The following CFAP46 variants were observed in gnomAD, a reference collection of about 807,000 sequenced individuals.
The protein encoded by CFAP46 is cilia and flagella associated protein 46, also known as cilia- and flagella-associated protein 46.
Under a neutral mutation model 325.7 loss-of-function variants are expected in CFAP46, and 245 were observed. That is an observed-to-expected ratio of 0.75 (90% CI 0.68 to 0.84). CFAP46 has a LOEUF of 0.84. Among genes scored for constraint, CFAP46 ranks in the 40% least tolerant of loss-of-function variants. The pLI is 0.00. For synonymous variants in CFAP46, 1,523 were observed against 1,495.9 expected, an observed-to-expected ratio of 1.02 and a Z score of -0.42; for missense variants, 3,346 against 3,543.0, an observed-to-expected ratio of 0.94 and a Z score of 1.41.
At chr10:132,831,132 C>T (rs901326925) in intron 50 of CFAP46, among the ~76,000 whole-genome samples, 1 of 151,936 alleles carries the variant, frequency 6.6e-6, no homozygotes, top group African/African-American at 2.4e-5. Flanking sequence ...CCACTGTGGT[C>T]AGAGAACCTA....
At chr10:132,862,017 C>G (rs1293856313) in intron 35 of CFAP46, among the ~76,000 whole-genome samples, 1 of 152,256 alleles carries the variant, frequency 6.6e-6, no homozygotes, top group African/African-American at 2.4e-5. Flanking sequence ...CTGCCCGACA[C>G]AGGATCCACC....
Position 132,885,905 on chromosome 10 carries a change from C to G in CFAP46, c.3359G>C (p.Ser1120Thr), listed in dbSNP as rs1591072025. ...CTCCCAGTCGTCCTGGTCGGCATGG[C>G]TGTGGAAGAGCAGGCCGTAGAGCGC... Reference protein sequence around the residue: ...RAALYGLLFHSHADQDDWEGG... With the variant: ...RAALYGLLFHTHADQDDWEGG... The change falls in exon 26 of 58, where the codon AGC becomes ACC. Residue 1120 changes from serine to threonine, a missense_variant. Ser to Thr is a moderately conservative substitution (Grantham distance 58). Transcript: ENST00000368586. The G allele has an allele frequency of 4.5e-6, 7 of 1,550,182 alleles. No individual in the cohort carries two copies. Among genetic ancestry groups the G allele is most frequent in the Non-Finnish European group, 6.1e-6 (7 of 1,146,844 alleles).
chr10:132,928,548 G>A (rs1303461604), intron 9 of CFAP46, among the ~76,000 whole-genome samples: 1 of 151,430 alleles, frequency 6.6e-6, no homozygotes, highest in Non-Finnish European at 1.5e-5. Flanking sequence ...AGCCCTCAGC[G>A]TGACTGGACG....
At position 132,884,165 on chromosome 10, in the gene CFAP46, G is replaced by T. The variant is rs1849087193; in HGVS notation, c.3627+938C>A. Among the ~76,000 whole-genome samples, 1 of 152,128 alleles carries T rather than the reference G, an allele frequency of 6.6e-6. No homozygotes were observed. Among genetic ancestry groups the T allele is most frequent in the South Asian group, 2.1e-4 (1 of 4,834 alleles). On this transcript the variant is annotated intron_variant, in intron 27 of 57. Coordinates refer to ENST00000368586, the MANE Select transcript of CFAP46 (RefSeq NM_001200049.3). This position sits in a 1 kb window ranked among gnomAD's most constrained non-coding sequence, Gnocchi z 5.4. The stretch of plus-strand genomic sequence containing the variant: ...TCCTGCTTTCCCTGGAGGCAGCCAG[G>T]TCCCTGCCTGATACCCGCGAACCCT...
chr10:132,935,338 C>CA, intron 7 of CFAP46, among the ~76,000 whole-genome samples: 1 of 138,364 alleles, frequency 7.2e-6, no homozygotes, highest in African/African-American at 2.5e-5. Context: ...AGCACCCAAA[C>CA]CCACTGTGAT....
chr10:132,938,711 C>T lies in CFAP46; in HGVS notation c.414G>A (p.Gln138=), dbSNP rs1178133326. 5 of 1,613,504 alleles carry T rather than the reference C, an allele frequency of 3.1e-6. No homozygotes were observed. The highest frequency in any genetic ancestry group is 4.2e-6 in the Non-Finnish European group (5 of 1,179,994). ...CAGGCTTGAGGAACGGCCTCACCAT[C>T]TGCCAGTAGAGGACTGATGCATTGT... The part of the protein sequence containing the change: ...LVYNASVLYW[Q]MVRPFLKPGY... Residue 138 remains glutamine (Q), a synonymous_variant, in exon 5 of 58, where the codon CAG becomes CAA. Transcript: ENST00000368586.
intron 6 of CFAP46, 52 bp downstream of exon 6, chr10:132,937,500 G>T (rs762173559): frequency 9.3e-6 from 15 of 1,606,634 alleles, no homozygotes; most frequent in South Asian, 1.1e-5. Context: ...TCTGAACAAT[G>T]ACTTTTAAGA....
chr10:132,839,802 T>C (rs533302605), intron 44 of CFAP46, among the ~76,000 whole-genome samples: 1 of 152,374 alleles, frequency 6.6e-6, no homozygotes, highest in African/African-American at 2.4e-5. Context: ...TGGTCAATGA[T>C]ATCGAATGAT....
In CFAP46 at chr10:132,836,501, G is replaced by A. The variant is rs138237476; in HGVS notation, c.6537-283C>T. ...ACCGCCGGCTGGCTCCAGGCCAGTG[G>A]GAGCTGGAGAGGACAGCTGTCCTGC... On this transcript the variant is annotated intron_variant, in intron 45 of 57. Coordinates refer to ENST00000368586, the MANE Select transcript of CFAP46 (RefSeq NM_001200049.3). Among the ~76,000 whole-genome samples the A allele has an allele frequency of 1.4e-3, 219 of 152,358 alleles. 1 individual carries two copies. Among genetic ancestry groups the A allele is most frequent in the South Asian group, 8.9e-3 (43 of 4,828 alleles).
chr10:132,837,064 G>A (rs951980498), intron 44 of CFAP46, 150 bp from the exon 45 acceptor site: 104 of 617,166 alleles, frequency 1.7e-4, no homozygotes, highest in African/African-American at 1.5e-3. Flanking sequence ...GGGGTGGGGG[G>A]CCCTGCTGGA....
intron 57 of CFAP46, among the ~76,000 whole-genome samples, chr10:132,810,092 G>T (rs905666833): frequency 6.6e-6 from 1 of 152,206 alleles, no homozygotes; most frequent in African/African-American, 2.4e-5. Context: ...CTGGGCTCGT[G>T]GGGATTGTGT....
At chr10:132,903,775 T>G (rs1269851920) in intron 22 of CFAP46, among the ~76,000 whole-genome samples, 3 of 152,190 alleles carry the variant, frequency 2.0e-5, no homozygotes, top group Non-Finnish European at 2.9e-5. Flanking sequence ...AAATATATGA[T>G]ATGTGAATAT....
chr10:132,816,991 T>C (rs116659569), intron 50 of CFAP46, among the ~76,000 whole-genome samples: 3,453 of 152,326 alleles, frequency 0.023, 46 homozygotes, highest in South Asian at 0.046. Flanking sequence ...ATCGCCACTT[T>C]TGAGGCACAG....
chr10:132,872,457 C>T (rs1848906653), intron 32 of CFAP46: 1 of 558,190 alleles, frequency 1.8e-6, no homozygotes, highest in Non-Finnish European at 3.2e-6. Flanking sequence ...TGGGGTCTTG[C>T]TATGTTGCCC....
At chr10:132,834,817 G>A (rs556123267) in intron 47 of CFAP46, 42 bp from the exon 48 acceptor site, 36 of 1,595,854 alleles carry the variant, frequency 2.3e-5, no homozygotes, top group East Asian at 9.0e-5. Flanking sequence ...CAAACAGGGC[G>A]CATGGCCCAG....
chr10:132,815,349 C>T (rs985806041), intron 50 of CFAP46, among the ~76,000 whole-genome samples: 5 of 152,186 alleles, frequency 3.3e-5, no homozygotes, highest in Admixed American at 2.6e-4. Context: ...GTTTCTGCCC[C>T]CGACTTTCCT....
At chr10:132,814,363 T>A in intron 53 of CFAP46, 109 bp from the exon 54 acceptor site, 1 of 1,027,808 alleles carries the variant, frequency 9.7e-7, no homozygotes, top group Non-Finnish European at 1.5e-6. Flanking sequence ...CATATATCAG[T>A]GCCCTGCCAT....
chr10:132,878,870 G>A (rs889796984), intron 29 of CFAP46, among the ~76,000 whole-genome samples: 4 of 152,200 alleles, frequency 2.6e-5, no homozygotes, highest in Non-Finnish European at 4.4e-5. Context: ...TGTAGCCTGC[G>A]GGAGGCCTAG....
chr10:132,851,038 C>T (rs1848533014), intron 40 of CFAP46, 79 bp downstream of exon 40: 1 of 1,554,934 alleles, frequency 6.4e-7, no homozygotes, highest in African/African-American at 1.4e-5. Flanking sequence ...GGAGACGGCT[C>T]CTGCTGGAAC....
Sources: gnomAD v4.1 joint callset for allele counts (sites outside exome capture counted in the v4.1 genomes callset) on GRCh38, gnomAD v4.1.1 for gene constraint, Gnocchi (gnomAD v3.1) non-coding constraint, MANE v1.5 for transcripts, NCBI Gene and HGNC (gene_info 2026-07-23, HGNC 2026-07-21) for gene names.